CTNNA3: variants seen among roughly 807,000 people sequenced by gnomAD.
CTNNA3 encodes the protein catenin alpha-3.
CTNNA3 carries 76 observed loss-of-function variants against 95.7 expected under a neutral mutation model. The observed-to-expected ratio is 0.79, with a 90% CI of 0.66 to 0.96. CTNNA3 has a LOEUF of 0.96. CTNNA3 is among the 40% of genes least tolerant of loss of function. CTNNA3 has a pLI of 0.00. For synonymous variants in CTNNA3, 431 were observed against 374.4 expected (o/e 1.15, Z -1.74); for missense variants, 1,191 against 1,089.8 (o/e 1.09, Z -1.31).
chr10:65,929,651 C>A (rs559226013), intron 17 of CTNNA3, among the ~76,000 whole-genome samples: 11 of 151,856 alleles, frequency 7.2e-5, no homozygotes, highest in African/African-American at 4.8e-5. Flanking sequence ...TCACTGCAAC[C>A]TCCACCTTCC....
At chr10:66,944,146 CT>C (rs1848162017) in intron 7 of CTNNA3, among the ~76,000 whole-genome samples, 1 of 152,172 alleles carries the variant, frequency 6.6e-6, no homozygotes, top group South Asian at 2.1e-4. Flanking sequence ...AGTAGAACTT[CT>C]TTCAAAATTG....
At chr10:66,678,437 T>TAC (rs1846943665) in intron 9 of CTNNA3, among the ~76,000 whole-genome samples, 1 of 152,110 alleles carries the variant, frequency 6.6e-6, no homozygotes, top group South Asian at 2.1e-4. Flanking sequence ...CCCTGTCACA[T>TAC]ACACACACAC....
At chr10:67,671,917 C>A (rs978582246) in intron 1 of CTNNA3, among the ~76,000 whole-genome samples, 2 of 151,938 alleles carry the variant, frequency 1.3e-5, no homozygotes, top group Admixed American at 6.6e-5. Flanking sequence ...TAGTTCTAGA[C>A]CCCTGAGGAA....
At chr10:66,557,532 C>T (rs1044879299) in intron 10 of CTNNA3, among the ~76,000 whole-genome samples, 1 of 152,064 alleles carries the variant, frequency 6.6e-6, no homozygotes, top group African/African-American at 2.4e-5. Context: ...ATGACAAAGA[C>T]AGAATAATGA....
chr10:66,155,355 T>C (rs935746297), intron 13 of CTNNA3, among the ~76,000 whole-genome samples: 4 of 151,850 alleles, frequency 2.6e-5, no homozygotes, highest in Non-Finnish European at 5.9e-5. Flanking sequence ...GCTGTCCTAC[T>C]CAACTGGAAA....
intron 11 of CTNNA3, among the ~76,000 whole-genome samples, chr10:66,508,211 T>TTTTTTTTTTTTTTTTTTTTTG (rs1491247894): frequency 1.1e-5 from 1 of 91,178 alleles, no homozygotes; most frequent in Non-Finnish European, 2.1e-5. Context: ...TTGTTTTCTG[T>TTTTTTTTTTTTTTTTTTTTTG]TTTTTTTTTT....
chr10:66,389,457 A>T (rs907811559), intron 11 of CTNNA3, among the ~76,000 whole-genome samples: 1 of 152,154 alleles, frequency 6.6e-6, no homozygotes, highest in African/African-American at 2.4e-5. Context: ...TTAAGAGCAG[A>T]CAATTGGTGA....
chr10:67,520,458 T>C (rs928411487), intron 5 of CTNNA3, among the ~76,000 whole-genome samples: 1 of 152,148 alleles, frequency 6.6e-6, no homozygotes, highest in Non-Finnish European at 1.5e-5. Context: ...TGGTAAAATA[T>C]GGTTTTGGAA....
At chr10:67,149,852 A>G (rs1012462299) in intron 7 of CTNNA3, among the ~76,000 whole-genome samples, 3 of 152,246 alleles carry the variant, frequency 2.0e-5, no homozygotes, top group African/African-American at 7.2e-5. Flanking sequence ...TACACTATCA[A>G]TCAGCATACC....
chr10:66,966,515 T>C (rs1319283149), intron 7 of CTNNA3, among the ~76,000 whole-genome samples: 1 of 150,872 alleles, frequency 6.6e-6, no homozygotes, highest in African/African-American at 2.4e-5. Context: ...CCTTTCAGAT[T>C]ATTCAAAGAA....
intron 7 of CTNNA3, among the ~76,000 whole-genome samples, chr10:66,964,035 A>G (rs1217678232): frequency 6.6e-6 from 1 of 151,410 alleles, no homozygotes. Flanking sequence ...TTTTTTCAGT[A>G]GTGATGGGTT....
At chr10:66,777,762 TACACACACACACACAC>T (rs372712619) in intron 7 of CTNNA3, among the ~76,000 whole-genome samples, 3 of 136,868 alleles carry the variant, frequency 2.2e-5, no homozygotes, top group African/African-American at 8.4e-5. Flanking sequence ...AGAGACCTCC[TACACACACACACACAC>T]ACACACACAC....
intron 6 of CTNNA3, among the ~76,000 whole-genome samples, chr10:67,217,944 G>T (rs1327959543): frequency 2.0e-5 from 3 of 152,044 alleles, no homozygotes; most frequent in Non-Finnish European, 4.4e-5. Flanking sequence ...CAGTTAAAAT[G>T]CAGTCAAAAC....
intron 11 of CTNNA3, among the ~76,000 whole-genome samples, chr10:66,451,394 C>T (rs1265789414): frequency 6.6e-6 from 1 of 151,964 alleles, no homozygotes. Context: ...GAGATTGAGA[C>T]AGACAAATGA....
chr10:66,506,532 C>T (rs1840456121), intron 11 of CTNNA3, among the ~76,000 whole-genome samples: 1 of 152,058 alleles, frequency 6.6e-6, no homozygotes, highest in South Asian at 2.1e-4. Flanking sequence ...AAAATATTTC[C>T]TCAGTATCCT....
chr10:67,704,061 A>G (rs544384512), intron 1 of CTNNA3, among the ~76,000 whole-genome samples: 1 of 152,200 alleles, frequency 6.6e-6, no homozygotes, highest in East Asian at 1.9e-4. Context: ...TAGGAATCCA[A>G]CTTACAAGGG....
intron 7 of CTNNA3, among the ~76,000 whole-genome samples, chr10:66,797,663 G>C (rs1483606474): frequency 1.3e-5 from 2 of 151,862 alleles, no homozygotes; most frequent in Non-Finnish European, 2.9e-5. Flanking sequence ...TGTTTTTAAA[G>C]GAGAGCTACA....
intron 3 of CTNNA3, among the ~76,000 whole-genome samples, chr10:67,574,414 T>C (rs1247383888): frequency 6.6e-6 from 1 of 152,118 alleles, no homozygotes. Context: ...ATTATCCCTC[T>C]GTTTTGTATT....
At chr10:66,629,690 T>C (rs10997269) in intron 9 of CTNNA3, among the ~76,000 whole-genome samples, 61,995 of 151,714 alleles carry the variant, frequency 0.41, 12,898 homozygotes, top group Middle Eastern at 0.55. Context: ...CAGTCTGGCC[T>C]GAGAGTCATC....
Sources: allele counts gnomAD v4.1 joint callset (sites outside exome capture counted in the v4.1 genomes callset), GRCh38; gene constraint gnomAD v4.1.1; transcripts MANE v1.5; gene names NCBI Gene and HGNC (gene_info 2026-07-23, HGNC 2026-07-21).